Variants in FHAD1 observed in about 807,000 individuals in gnomAD.
FHAD1 encodes the protein forkhead associated phosphopeptide binding domain 1, also known as forkhead-associated domain-containing protein 1.
FHAD1 carries 146 observed loss-of-function variants against 191.3 expected under a neutral mutation model. The ratio of observed to expected loss-of-function variants is 0.76; its 90% confidence interval spans 0.67 to 0.88. The LOEUF (loss-of-function observed/expected upper bound fraction) is 0.88. FHAD1 is among the 40% of genes least tolerant of loss of function. The pLI is 0.00. For synonymous variants in FHAD1, 616 were observed against 672.3 expected, an observed-to-expected ratio of 0.92 and a Z score of 1.29; for missense variants, 1,635 against 1,785.8, an observed-to-expected ratio of 0.92 and a Z score of 1.52.
At chr1:15,348,545 T>C (rs764037810) in intron 18 of FHAD1, among the ~76,000 whole-genome samples, 1 of 152,208 alleles carries the variant, frequency 6.6e-6, no homozygotes, top group African/African-American at 2.4e-5. Flanking sequence ...TTCTAGAAAT[T>C]GGTGTATCGT....
intron 16 of FHAD1, among the ~76,000 whole-genome samples, chr1:15,342,546 T>C (rs1275959525): frequency 6.6e-6 from 1 of 152,194 alleles, no homozygotes; most frequent in African/African-American, 2.4e-5. Context: ...TCCAGATGCT[T>C]TGCTAAAAAT....
Position 15,345,168 on chromosome 1 carries a change from G to A in FHAD1, c.2216G>A (p.Ser739Asn). Reference protein sequence around the residue: ...EERKRMQELESLLAQQKKALA... With the variant: ...EERKRMQELENLLAQQKKALA... ...CGGAAGAGAATGCAAGAACTGGAGA[G>A]CCTCCTGGCCCAGCAGAAGAAGGTA... is the stretch of plus-strand genomic sequence containing the variant. Residue 739 changes from serine (S) to asparagine (N), a missense_variant, in exon 17 of 34, where the codon AGC becomes AAC. Transcript: ENST00000688493. The A allele has an allele frequency of 1.3e-6, 2 of 1,551,686 alleles. No homozygotes were observed. The highest frequency in any genetic ancestry group is 1.7e-6 in the Non-Finnish European group (2 of 1,146,960).
chr1:15,339,106 T>G (rs1233531895), intron 14 of FHAD1, among the ~76,000 whole-genome samples: 1 of 152,192 alleles, frequency 6.6e-6, no homozygotes, highest in Non-Finnish European at 1.5e-5. Context: ...AACCTCTGCC[T>G]TCCAGTTTCA....
intron 28 of FHAD1, among the ~76,000 whole-genome samples, chr1:15,379,996 C>T (rs1030567212): frequency 2.0e-5 from 3 of 152,196 alleles, no homozygotes; most frequent in African/African-American, 7.2e-5. Context: ...TGCTCACCCA[C>T]CATCTGCATC....
chr1:15,324,032 C>G (rs1307900257), intron 10 of FHAD1, among the ~76,000 whole-genome samples: 1 of 152,210 alleles, frequency 6.6e-6, no homozygotes, highest in African/African-American at 2.4e-5. Context: ...GTCACAACAT[C>G]TAACACACTT....
rs486557 is a variant in FHAD1, at chr1:15,289,643, G to T, written c.545G>T (p.Arg182Leu). 4 of 1,548,880 alleles carry T rather than the reference G, an allele frequency of 2.6e-6. No individual in the cohort carries two copies. The highest frequency in any genetic ancestry group is 1.7e-6 in the Non-Finnish European group (2 of 1,144,766). ...TTCTCGTTCGTGGTGGACGACGCCC[G>T]CAAGCCACCCGTCATCAAGCAAGGT... ...EMFSFVVDDA[R>L]KPPVIKQVWT... The change falls in exon 4 of 34, where the codon CGC becomes CTC. Residue 182 changes from arginine (R) to leucine (L), a missense_variant. Physicochemically the swap from Arg to Leu is moderately radical, Grantham distance 102. Transcript: ENST00000688493. This position sits in a 1 kb window ranked among gnomAD's most constrained non-coding sequence, Gnocchi z 4.2.
intron 3 of FHAD1, among the ~76,000 whole-genome samples, chr1:15,280,578 G>A (rs1176384679): frequency 6.6e-6 from 1 of 152,104 alleles, no homozygotes; most frequent in Non-Finnish European, 1.5e-5. Flanking sequence ...GAACACGGAC[G>A]ACCCGGCCCA....
chr1:15,341,733 C>T lies in FHAD1; in HGVS notation c.1978-3C>T. The T allele has an allele frequency of 6.5e-7, 1 of 1,548,150 alleles. No individual in the cohort carries two copies. The highest frequency in any genetic ancestry group is 1.2e-5 in the South Asian group (1 of 83,396). On this transcript the variant is annotated splice_polypyrimidine_tract_variant and splice_region_variant and intron_variant, in intron 15 of 33. Coordinates refer to ENST00000688493, the MANE Select transcript of FHAD1 (RefSeq NM_001391957.1). ...GCATCGGTTTACTTTTCTCACATTT[C>T]AGATCAAGTTCAACAGTTCTCAGGA...
intron 10 of FHAD1, 26 bp downstream of exon 10, chr1:15,317,954 G>C (rs1176924996): frequency 6.9e-7 from 1 of 1,444,066 alleles, no homozygotes. Context: ...CAGGCCCAGA[G>C]AGTGGTGTGG....
intron 2 of FHAD1, among the ~76,000 whole-genome samples, chr1:15,255,439 C>G (rs1647543144): frequency 6.6e-6 from 1 of 152,114 alleles, no homozygotes; most frequent in African/African-American, 2.4e-5. Flanking sequence ...AGGGTTTTGC[C>G]CTCCAGACTT....
At chr1:15,374,739 C>T in intron 27 of FHAD1, 108 bp downstream of exon 27, 2 of 1,400,922 alleles carry the variant, frequency 1.4e-6, no homozygotes, top group Non-Finnish European at 1.9e-6. Flanking sequence ...CATCCCAGAA[C>T]TTGGAGGACA....
rs375912266 is a variant in FHAD1, at chr1:15,374,622, C to T, written c.3568C>T (p.Arg1190Cys). The change falls in exon 27 of 34, where the codon CGC becomes TGC. Residue 1190 changes from arginine to cysteine, a missense_variant. Coordinates refer to ENST00000688493, the MANE Select transcript of FHAD1 (RefSeq NM_001391957.1). ...GCGAATTAAAGAACTCGAGAAGGCG[C>T]GCTCACCAGGTAAGTCTCCTCCTTC... ...RARIKELEKA[R>C]SPDHKDHQNE... The T allele has an allele frequency of 8.5e-5, 132 of 1,551,352 alleles. No homozygotes were observed. In the African/African-American group the frequency reaches 1.5e-3, roughly 17 times the overall value.
In FHAD1 at chr1:15,358,173, A is replaced by G. The variant is rs369933975; in HGVS notation, c.2626A>G (p.Met876Val). ...TAATAAATTAAGTGACGCACTGGCC[A>G]TGGTTGAAGAGACTCAGAAAACAAA... ...LNNKLSDALA[M>V]VEETQKTKAT... The change falls in exon 21 of 34, where the codon ATG (methionine) becomes GTG (valine). Residue 876 changes from methionine (M) to valine (V), a missense_variant. Met to Val is a conservative substitution (Grantham distance 21, BLOSUM62 1). Transcript: ENST00000688493. 5.9e-6 allele frequency: 9 copies of G among 1,536,182 alleles called. No homozygotes were observed. Among genetic ancestry groups the G allele is most frequent in the African/African-American group, 5.6e-5 (4 of 71,748 alleles).
chr1:15,360,432 C>G, intron 21 of FHAD1, 46 bp from the exon 22 acceptor site: 1 of 1,512,546 alleles, frequency 6.6e-7, no homozygotes, highest in Non-Finnish European at 9.0e-7. Flanking sequence ...TTGTTGCCGT[C>G]ATACACAGCT....
At position 15,367,449 on chromosome 1, in the gene FHAD1, C is replaced by G; in HGVS notation, c.3155-14C>G. ...AGGCAGAGACCCCCTTACCGGCCCT[C>G]CTGTCACTCGCAGGGGAGCTAAACG... On this transcript the variant is annotated splice_polypyrimidine_tract_variant and intron_variant, in intron 24 of 33. Coordinates refer to ENST00000688493, the MANE Select transcript of FHAD1 (RefSeq NM_001391957.1). 2 of 1,549,816 alleles carry G rather than the reference C, an allele frequency of 1.3e-6. No individual in the cohort carries two copies. The highest frequency in any genetic ancestry group is 1.7e-6 in the Non-Finnish European group (2 of 1,145,834).
rs1679856442 is a variant in FHAD1, at chr1:15,328,561, T to C, written c.1710+132T>C. ...GGCTTTTCTATCCACTTTTTCCTCT[T>C]GTTGGAGAAACTTGTTGGAGAAGAA... On this transcript the variant is annotated intron_variant, in intron 13 of 33. Coordinates refer to ENST00000688493, the MANE Select transcript of FHAD1 (RefSeq NM_001391957.1). 1.5e-5 allele frequency: 11 copies of C among 756,912 alleles called. No homozygotes were observed. The East Asian group carries it at 3.6e-4, about 25-fold the overall frequency. 46.9% of individuals were successfully genotyped at this position (756,912 alleles called of 1,614,324 possible). A position where few individuals can be genotyped will look rare whatever the true frequency, so the allele number is the denominator to read the frequency against.
At chr1:15,352,181 G>A (rs576802887) in intron 19 of FHAD1, among the ~76,000 whole-genome samples, 15 of 152,188 alleles carry the variant, frequency 9.9e-5, no homozygotes, top group African/African-American at 2.2e-4. Context: ...ACATATACAC[G>A]TATATTTAAA....
At chr1:15,244,573 TG>T (rs1195592255), upstream of FHAD1, among the ~76,000 whole-genome samples, 1 of 152,086 alleles carries the variant, frequency 6.6e-6, no homozygotes, top group Non-Finnish European at 1.5e-5. The surrounding 1 kb of genome is among the most constrained non-coding windows in gnomAD (Gnocchi z 5.1). Context: ...GCCGACATCC[TG>T]GGGCGAGGAC....
chr1:15,383,310 C>T, intron 31 of FHAD1: 1 of 454,904 alleles, frequency 2.2e-6, no homozygotes, highest in Non-Finnish European at 4.5e-6. Flanking sequence ...CTCTGAAGCA[C>T]CTGCCCAGGG....
Sources: gnomAD v4.1 joint callset for allele counts (sites outside exome capture counted in the v4.1 genomes callset) on GRCh38, gnomAD v4.1.1 for gene constraint, Gnocchi (gnomAD v3.1) non-coding constraint, MANE v1.5 for transcripts, NCBI Gene and HGNC (gene_info 2026-07-23, HGNC 2026-07-21) for gene names.